PTPRN2: variants seen among roughly 807,000 people sequenced by gnomAD.
PTPRN2 encodes protein tyrosine phosphatase receptor type N2.
Under a neutral mutation model 118.8 loss-of-function variants are expected in PTPRN2, and 74 were observed. The observed-to-expected ratio is 0.62, with a 90% CI of 0.52 to 0.76. The LOEUF (loss-of-function observed/expected upper bound fraction) is 0.76. Among genes scored for constraint, PTPRN2 ranks in the 30% least tolerant of loss-of-function variants. PTPRN2 has a pLI of 0.00. For synonymous variants in PTPRN2, 641 were observed against 608.0 expected (o/e 1.05, Z -0.80); for missense variants, 1,481 against 1,394.4 (o/e 1.06, Z -0.99).
intron 2 of PTPRN2, among the ~76,000 whole-genome samples, chr7:158,340,639 A>T (rs1280140985): frequency 1.9e-5 from 2 of 105,302 alleles, no homozygotes; most frequent in Non-Finnish European, 2.1e-5. Context: ...CACTCTAGCC[A>T]TAAGAGCTGA....
At chr7:158,331,902 C>A (rs1488214128) in intron 2 of PTPRN2, among the ~76,000 whole-genome samples, 1 of 145,140 alleles carries the variant, frequency 6.9e-6, no homozygotes, top group South Asian at 2.1e-4. Context: ...CACCCACACT[C>A]TCACCATAAG....
intron 6 of PTPRN2, among the ~76,000 whole-genome samples, chr7:158,139,429 G>A (rs2150461954): frequency 6.6e-6 from 1 of 152,208 alleles, no homozygotes; most frequent in South Asian, 2.1e-4. Context: ...GAACAGAATG[G>A]GAGACGTTCT....
chr7:158,250,713 A>G (rs755381028), intron 3 of PTPRN2, among the ~76,000 whole-genome samples: 3 of 152,190 alleles, frequency 2.0e-5, no homozygotes, highest in Non-Finnish European at 4.4e-5. Context: ...GATGCAAAAC[A>G]TGTTTGAATG....
intron 19 of PTPRN2, among the ~76,000 whole-genome samples, chr7:157,573,632 G>A (rs536243688): frequency 2.2e-4 from 33 of 152,344 alleles, no homozygotes; most frequent in African/African-American, 7.5e-4. Context: ...AGTAGACAGC[G>A]GTGGCTCATG....
At chr7:157,689,435 G>T (rs962893573) in intron 12 of PTPRN2, among the ~76,000 whole-genome samples, 1 of 152,212 alleles carries the variant, frequency 6.6e-6, no homozygotes, top group Middle Eastern at 3.2e-3. Context: ...GTCGTCCTCA[G>T]GGCTGTGGCG....
chr7:158,572,643 TCTC>T (rs1828108018), intron 1 of PTPRN2, among the ~76,000 whole-genome samples: 1 of 152,180 alleles, frequency 6.6e-6, no homozygotes, highest in East Asian at 1.9e-4. Flanking sequence ...TTCTCCTGGG[TCTC>T]TGCCCTCTGA....
intron 3 of PTPRN2, among the ~76,000 whole-genome samples, chr7:158,312,285 C>T (rs1237442679): frequency 8.7e-6 from 1 of 115,364 alleles, no homozygotes; most frequent in African/African-American, 3.2e-5. Context: ...TAGACACGCA[C>T]ACATGCACAC....
At chr7:157,602,153 T>C (rs930202049) in intron 16 of PTPRN2, among the ~76,000 whole-genome samples, 1 of 152,238 alleles carries the variant, frequency 6.6e-6, no homozygotes, top group Non-Finnish European at 1.5e-5. Flanking sequence ...AAGGAAGTGA[T>C]TCCTTCTTAA....
chr7:158,159,660 T>A (rs62480761), intron 6 of PTPRN2, among the ~76,000 whole-genome samples: 37,065 of 152,076 alleles, frequency 0.24, 5,670 homozygotes, highest in Middle Eastern at 0.39. Context: ...CCCCACACAT[T>A]ATTTGTCATT....
At chr7:158,506,742 T>A in intron 1 of PTPRN2, among the ~76,000 whole-genome samples, 1 of 151,220 alleles carries the variant, frequency 6.6e-6, no homozygotes, top group African/African-American at 2.4e-5. Context: ...GGCCACTGGC[T>A]AGCTGTGACA....
chr7:158,056,208 T>C (rs1473893638), intron 11 of PTPRN2, among the ~76,000 whole-genome samples: 1 of 152,192 alleles, frequency 6.6e-6, no homozygotes, highest in Non-Finnish European at 1.5e-5. Flanking sequence ...AGGTCACCTC[T>C]GCCAAGGAGT....
intron 12 of PTPRN2, among the ~76,000 whole-genome samples, chr7:157,790,884 T>A (rs561117013): frequency 6.6e-6 from 1 of 152,284 alleles, no homozygotes; most frequent in East Asian, 1.9e-4. Context: ...CATAAGTACA[T>A]GAAAGACATT....
At chr7:157,870,891 C>T (rs1811007435) in intron 12 of PTPRN2, among the ~76,000 whole-genome samples, 1 of 152,234 alleles carries the variant, frequency 6.6e-6, no homozygotes, top group African/African-American at 2.4e-5. Context: ...TCTTAAAGTA[C>T]TTTGATGTTG....
intron 1 of PTPRN2, among the ~76,000 whole-genome samples, chr7:158,545,856 G>C (rs1310176579): frequency 6.6e-6 from 1 of 152,164 alleles, no homozygotes; most frequent in Non-Finnish European, 1.5e-5. Flanking sequence ...AAAATTAGCT[G>C]GGTGCGGTGG....
chr7:157,751,120 C>T (rs1202522447), intron 12 of PTPRN2, among the ~76,000 whole-genome samples: 1 of 152,180 alleles, frequency 6.6e-6, no homozygotes, highest in East Asian at 1.9e-4. Flanking sequence ...TCCCGACGCC[C>T]AGTAGTAGGC....
chr7:157,939,454 C>T (rs1270531446), intron 11 of PTPRN2, among the ~76,000 whole-genome samples: 1 of 152,242 alleles, frequency 6.6e-6, no homozygotes, highest in Non-Finnish European at 1.5e-5. Flanking sequence ...AGCTGGACAG[C>T]CATCTGCAGA....
At chr7:157,540,929 T>C in intron 22 of PTPRN2, 144 bp from the exon 23 acceptor site, 1 of 676,742 alleles carries the variant, frequency 1.5e-6, no homozygotes, top group Non-Finnish European at 2.5e-6. Context: ...AGAAAGAAAT[T>C]GTTTAGCAAA....
chr7:158,318,212 C>G (rs1207709820), intron 2 of PTPRN2, among the ~76,000 whole-genome samples: 1 of 152,176 alleles, frequency 6.6e-6, no homozygotes, highest in African/African-American at 2.4e-5. Context: ...GATGTGCCCG[C>G]TCCTTTGCCT....
At chr7:157,556,205 A>G (rs1422331956) in intron 21 of PTPRN2, among the ~76,000 whole-genome samples, 1 of 152,168 alleles carries the variant, frequency 6.6e-6, no homozygotes, top group Non-Finnish European at 1.5e-5. Flanking sequence ...ACGCATGCAG[A>G]TACATGTACA....
Sources: allele counts gnomAD v4.1 joint callset (sites outside exome capture counted in the v4.1 genomes callset), GRCh38; gene constraint gnomAD v4.1.1; transcripts MANE v1.5; gene names NCBI Gene and HGNC (gene_info 2026-07-23, HGNC 2026-07-21).